SLC35F4: variants seen among roughly 807,000 people sequenced by gnomAD.
SLC35F4 encodes the protein chromosome 14 open reading frame 36.
Under a neutral mutation model 44.2 loss-of-function variants are expected in SLC35F4, and 24 were observed. The ratio of observed to expected loss-of-function variants is 0.54; its 90% CI spans 0.39 to 0.76. The LOEUF is 0.76. Among genes scored for constraint, SLC35F4 ranks in the 30% least tolerant of loss-of-function variants. The pLI is 0.00. For missense variants in SLC35F4, 562 were observed against 586.1 expected, an observed-to-expected ratio of 0.96 and a Z score of 0.42; for synonymous variants, 238 against 223.6, an observed-to-expected ratio of 1.06 and a Z score of -0.57.
chr14:57,771,683 T>C (rs893178853), intron 1 of SLC35F4, among the ~76,000 whole-genome samples: 1 of 152,210 alleles, frequency 6.6e-6, no homozygotes, highest in African/African-American at 2.4e-5. Context: ...AATCTCTGCC[T>C]TCTGGGCTTG....
At chr14:57,836,183 T>C (rs1279583714) in intron 1 of SLC35F4, among the ~76,000 whole-genome samples, 2 of 152,208 alleles carry the variant, frequency 1.3e-5, no homozygotes, top group East Asian at 3.8e-4. Flanking sequence ...ATGACTTACC[T>C]ACATACCACC....
intron 1 of SLC35F4, among the ~76,000 whole-genome samples, chr14:57,670,076 G>C (rs1339480428): frequency 1.3e-5 from 2 of 152,074 alleles, no homozygotes; most frequent in Non-Finnish European, 2.9e-5. Flanking sequence ...TATGTGTCGA[G>C]GAATTTATCC....
chr14:57,645,989 G>T (rs1270224801), intron 1 of SLC35F4, among the ~76,000 whole-genome samples: 1 of 152,156 alleles, frequency 6.6e-6, no homozygotes, highest in Non-Finnish European at 1.5e-5. Flanking sequence ...GATCATGGTG[G>T]ATAAGCTTTT....
chr14:57,954,102 T>C (rs533970165), intron 1 of SLC35F4, among the ~76,000 whole-genome samples: 15 of 152,244 alleles, frequency 9.9e-5, no homozygotes, highest in African/African-American at 3.4e-4. Flanking sequence ...GCAATCAAAC[T>C]AGAACTCAGG....
At chr14:57,933,752 G>A (rs1031352471) in intron 1 of SLC35F4, among the ~76,000 whole-genome samples, 2 of 152,124 alleles carry the variant, frequency 1.3e-5, no homozygotes, top group African/African-American at 2.4e-5. Flanking sequence ...AGGGATTTGA[G>A]GCATAAATAA....
At chr14:57,656,890 A>C (rs753834446) in intron 1 of SLC35F4, among the ~76,000 whole-genome samples, 17 of 152,260 alleles carry the variant, frequency 1.1e-4, no homozygotes, top group Non-Finnish European at 2.4e-4. Context: ...AGTGTAAATA[A>C]TTTAACACAA....
intron 1 of SLC35F4, among the ~76,000 whole-genome samples, chr14:57,882,995 A>AGG: frequency 6.8e-6 from 1 of 147,558 alleles, no homozygotes; most frequent in Non-Finnish European, 1.5e-5. Context: ...TGGAAGAATA[A>AGG]GGGGAGAGAG....
At chr14:57,732,785 TATC>T in intron 1 of SLC35F4, among the ~76,000 whole-genome samples, 1 of 152,154 alleles carries the variant, frequency 6.6e-6, no homozygotes, top group East Asian at 1.9e-4. Context: ...TCATCCAGAA[TATC>T]ATACATCAAA....
At chr14:57,713,681 C>T (rs991581931) in intron 1 of SLC35F4, among the ~76,000 whole-genome samples, 27 of 152,166 alleles carry the variant, frequency 1.8e-4, no homozygotes, top group African/African-American at 5.8e-4. Flanking sequence ...AGGAGGTTTT[C>T]TTATTCATTT....
At chr14:57,930,459 A>G (rs1426542683) in intron 1 of SLC35F4, among the ~76,000 whole-genome samples, 8 of 152,114 alleles carry the variant, frequency 5.3e-5, no homozygotes, top group Admixed American at 5.2e-4. Context: ...CCACGTGGAA[A>G]CACCAGGCAT....
At chr14:57,830,011 T>C (rs1463687555) in intron 1 of SLC35F4, among the ~76,000 whole-genome samples, 1 of 152,132 alleles carries the variant, frequency 6.6e-6, no homozygotes, top group Non-Finnish European at 1.5e-5. Context: ...TAAGCAAGAA[T>C]AAAACTTATT....
intron 1 of SLC35F4, among the ~76,000 whole-genome samples, chr14:57,776,507 A>C (rs974551789): frequency 6.6e-6 from 1 of 151,998 alleles, no homozygotes; most frequent in African/African-American, 2.4e-5. Flanking sequence ...TCTACTAAAA[A>C]TACAAAAAAT....
intron 1 of SLC35F4, among the ~76,000 whole-genome samples, chr14:57,787,474 TA>T (rs2077795799): frequency 6.6e-6 from 1 of 152,116 alleles, no homozygotes; most frequent in Non-Finnish European, 1.5e-5. Context: ...TATTCAAAGT[TA>T]AGATGAAGGA....
At chr14:57,957,659 G>C (rs1890263778) in intron 1 of SLC35F4, among the ~76,000 whole-genome samples, 2 of 152,086 alleles carry the variant, frequency 1.3e-5, no homozygotes, top group South Asian at 4.1e-4. Flanking sequence ...ATCATGCAGA[G>C]ACAACCAGAG....
At chr14:57,655,461 G>A (rs568616786) in intron 1 of SLC35F4, among the ~76,000 whole-genome samples, 8 of 152,206 alleles carry the variant, frequency 5.3e-5, no homozygotes, top group Admixed American at 2.0e-4. Flanking sequence ...TGTCCTCAGC[G>A]CTGTGGAGTC....
intron 1 of SLC35F4, among the ~76,000 whole-genome samples, chr14:57,754,205 C>T (rs141916453): frequency 1.3e-5 from 2 of 148,998 alleles, no homozygotes; most frequent in East Asian, 4.0e-4. Context: ...CAGGTTCAAG[C>T]GATTCTCCTG....
chr14:57,860,116 G>T (rs1273016848), intron 1 of SLC35F4, among the ~76,000 whole-genome samples: 2 of 152,142 alleles, frequency 1.3e-5, no homozygotes, highest in African/African-American at 4.8e-5. Flanking sequence ...TAGAACTTTG[G>T]GGAATGCTAA....
At chr14:57,765,534 G>T (rs931549030) in intron 1 of SLC35F4, among the ~76,000 whole-genome samples, 5 of 152,176 alleles carry the variant, frequency 3.3e-5, no homozygotes, top group Non-Finnish European at 7.3e-5. Flanking sequence ...ACTGGTAAAT[G>T]AATATTAATA....
At chr14:57,594,306 C>G (rs1213965010) in intron 1 of SLC35F4, among the ~76,000 whole-genome samples, 182 bp from the exon 2 acceptor site, 1 of 152,200 alleles carries the variant, frequency 6.6e-6, no homozygotes, top group Non-Finnish European at 1.5e-5. Flanking sequence ...TCTCCTGCCT[C>G]AGCCTCCCAA....
Sources: allele counts gnomAD v4.1 joint callset (sites outside exome capture counted in the v4.1 genomes callset), GRCh38; gene constraint gnomAD v4.1.1; transcripts MANE v1.5; gene names NCBI Gene and HGNC (gene_info 2026-07-23, HGNC 2026-07-21).